KCNMB2: variants seen among roughly 807,000 people sequenced by gnomAD.
The protein encoded by KCNMB2 is calcium-activated potassium channel subunit beta-2.
Under a neutral mutation model 24.5 loss-of-function variants are expected in KCNMB2, and 9 were observed. The observed-to-expected ratio is 0.37, with a 90% CI of 0.22 to 0.64. The LOEUF (loss-of-function observed/expected upper bound fraction) is 0.64. Among genes scored for constraint, KCNMB2 ranks in the 30% least tolerant of loss-of-function variants. The probability of loss-of-function intolerance (pLI) is 0.63; values close to 1 mark genes in which losing one functional copy is unlikely to be tolerated. For missense variants in KCNMB2, 226 were observed against 284.3 expected (o/e 0.79, Z 1.47); for synonymous variants, 109 against 104.4 (o/e 1.04, Z -0.27).
intron 3 of KCNMB2, among the ~76,000 whole-genome samples, chr3:178,826,031 G>A (rs75569251): frequency 0.018 from 2,749 of 152,032 alleles, 101 homozygotes; most frequent in African/African-American, 0.063. Flanking sequence ...TTATAAAAAC[G>A]GCAAAACTGA....
chr3:178,548,849 A>G (rs1715855017), intron 1 of KCNMB2, among the ~76,000 whole-genome samples: 1 of 152,226 alleles, frequency 6.6e-6, no homozygotes, highest in African/African-American at 2.4e-5. Flanking sequence ...CAGGAACTAT[A>G]TTTTATGAAA....
chr3:178,610,022 T>C (rs747510559), intron 1 of KCNMB2, among the ~76,000 whole-genome samples: 8 of 152,214 alleles, frequency 5.3e-5, no homozygotes, highest in African/African-American at 1.2e-4. Flanking sequence ...GCACCATTTA[T>C]TGAAGAGACT....
At chr3:178,732,285 C>T (rs1723178300) in intron 1 of KCNMB2, among the ~76,000 whole-genome samples, 1 of 152,082 alleles carries the variant, frequency 6.6e-6, no homozygotes, top group Admixed American at 6.5e-5. Context: ...TTATTATTTG[C>T]AGATTCCATA....
chr3:178,624,632 A>G (rs979512623), intron 1 of KCNMB2, among the ~76,000 whole-genome samples: 3 of 116,798 alleles, frequency 2.6e-5, no homozygotes. Flanking sequence ...CATTTAGTTT[A>G]TTCTCCTCAT....
rs141252898 is a variant in KCNMB2, at chr3:178,730,143, C to A, written c.-67-77200C>A. ...GAAAACTAAGAAGACAATTCTACCACGTTCCAAGAAGTTAGAGATTCAAAA... is the reference window on the plus strand; with the variant it reads ...GAAAACTAAGAAGACAATTCTACCAAGTTCCAAGAAGTTAGAGATTCAAAA... On this transcript the variant is annotated intron_variant, in intron 1 of 4. Transcript: ENST00000452583. Among the ~76,000 whole-genome samples the A allele has an allele frequency of 1.2e-3, 182 of 152,260 alleles. 1 individual carries two copies. Among genetic ancestry groups the A allele is most frequent in the African/African-American group, 4.3e-3 (177 of 41,560 alleles).
intron 1 of KCNMB2, among the ~76,000 whole-genome samples, chr3:178,744,774 C>T (rs1490350897): frequency 3.3e-5 from 5 of 151,936 alleles, no homozygotes; most frequent in African/African-American, 1.2e-4. Context: ...GAACCCAGGG[C>T]AGCCATAAAT....
chr3:178,739,096 A>G (rs946633970), intron 1 of KCNMB2, among the ~76,000 whole-genome samples: 2 of 130,630 alleles, frequency 1.5e-5, no homozygotes, highest in Admixed American at 7.7e-5. Flanking sequence ...ATGTCCCTAA[A>G]TAACAGAAAA....
At chr3:178,817,228 A>ATATATATATATATATATATATATAT (rs1553781212) in intron 2 of KCNMB2, among the ~76,000 whole-genome samples, 2 of 102,358 alleles carry the variant, frequency 2.0e-5, no homozygotes, top group African/African-American at 1.1e-4. Flanking sequence ...TATATATATA[A>ATATATATATATATATATATATATAT]ATGAAGTGTG....
intron 1 of KCNMB2, among the ~76,000 whole-genome samples, chr3:178,657,902 T>C (rs1446045231): frequency 6.6e-6 from 1 of 152,180 alleles, no homozygotes; most frequent in Non-Finnish European, 1.5e-5. Context: ...ACTAACTCAA[T>C]CCCACACAAA....
chr3:178,824,566 G>A, intron 2 of KCNMB2: 2 of 166,636 alleles, frequency 1.2e-5, no homozygotes, highest in Non-Finnish European at 2.6e-5. Context: ...AGTAGAGACG[G>A]GGTTTCACCA....
intron 1 of KCNMB2, among the ~76,000 whole-genome samples, chr3:178,715,406 T>C (rs1215857868): frequency 6.6e-6 from 1 of 151,632 alleles, no homozygotes; most frequent in Non-Finnish European, 1.5e-5. Context: ...GGTGGTTGGT[T>C]GAGGCAAATA....
At chr3:178,727,922 C>T (rs1442086777) in intron 1 of KCNMB2, among the ~76,000 whole-genome samples, 1 of 152,184 alleles carries the variant, frequency 6.6e-6, no homozygotes, top group Non-Finnish European at 1.5e-5. Flanking sequence ...AAGTTCTTGC[C>T]ACATTCCACA....
intron 1 of KCNMB2, among the ~76,000 whole-genome samples, chr3:178,638,564 A>G (rs1267414593): frequency 6.6e-6 from 1 of 152,158 alleles, no homozygotes; most frequent in Admixed American, 6.5e-5. Context: ...CAATTCTCTT[A>G]TGGCACTTCT....
chr3:178,765,961 T>C lies in KCNMB2; in HGVS notation c.-67-41382T>C, dbSNP rs116013202. Among the ~76,000 whole-genome samples, 991 of 152,262 alleles carry C rather than the reference T, an allele frequency of 6.5e-3. 16 individuals are homozygous for C. The highest frequency in any genetic ancestry group is 0.023 in the African/African-American group (937 of 41,558). On this transcript the variant is annotated intron_variant, in intron 1 of 4. Coordinates refer to ENST00000452583, the MANE Select transcript of KCNMB2 (RefSeq NM_181361.3). ...ATATTCCAGAGTCTACTTTCCTCTG[T>C]TCCTTTGATTTTCTTCCTTCTTAAT...
intron 1 of KCNMB2, among the ~76,000 whole-genome samples, chr3:178,561,474 G>T (rs1205873137): frequency 1.3e-5 from 2 of 152,138 alleles, no homozygotes; most frequent in African/African-American, 4.8e-5. Context: ...AAACTAAATG[G>T]CTCTACGACT....
intron 1 of KCNMB2, among the ~76,000 whole-genome samples, chr3:178,580,424 C>CAA: frequency 6.6e-6 from 1 of 152,282 alleles, no homozygotes; most frequent in East Asian, 1.9e-4. Context: ...ACTGAATGGG[C>CAA]AAAAGCTGGA....
At chr3:178,622,713 TC>T (rs1718967241) in intron 1 of KCNMB2, among the ~76,000 whole-genome samples, 1 of 152,152 alleles carries the variant, frequency 6.6e-6, no homozygotes, top group South Asian at 2.1e-4. Flanking sequence ...TTAAGTAGCC[TC>T]CCCCATAGCA....
At chr3:178,692,035 G>A (rs763068133) in intron 1 of KCNMB2, among the ~76,000 whole-genome samples, 3 of 152,038 alleles carry the variant, frequency 2.0e-5, no homozygotes, top group Non-Finnish European at 4.4e-5. Flanking sequence ...ATTCTCATTG[G>A]CCACATGTAT....
intron 1 of KCNMB2, among the ~76,000 whole-genome samples, chr3:178,589,619 C>T (rs1326252798): frequency 6.6e-6 from 1 of 152,128 alleles, no homozygotes; most frequent in Non-Finnish European, 1.5e-5. Flanking sequence ...GCTAGGACTA[C>T]AAGTGTGTGC....
Sources: gnomAD v4.1 joint callset for allele counts (sites outside exome capture counted in the v4.1 genomes callset) on GRCh38, gnomAD v4.1.1 for gene constraint, MANE v1.5 for transcripts, NCBI Gene and HGNC (gene_info 2026-07-23, HGNC 2026-07-21) for gene names.